Variants in ESR2 observed in about 807,000 individuals in gnomAD.
The protein encoded by ESR2 is estrogen receptor 2, also known as estrogen receptor beta.
A neutral mutation model predicts 49.6 loss-of-function variants in ESR2; 36 were observed. That is an observed-to-expected ratio of 0.73 (90% confidence interval 0.56 to 0.96). The LOEUF is 0.96. Among genes scored for constraint, ESR2 ranks in the 40% least tolerant of loss-of-function variants. ESR2 has a pLI of 0.00. For synonymous variants in ESR2, 320 were observed against 266.1 expected (o/e 1.20, Z -1.97); for missense variants, 714 against 693.0 (o/e 1.03, Z -0.34).
At chr14:64,317,804 A>C (rs1223009127) in intron 1 of ESR2, among the ~76,000 whole-genome samples, 1 of 152,164 alleles carries the variant, frequency 6.6e-6, no homozygotes, top group Admixed American at 6.5e-5. Context: ...AAAATTCAAC[A>C]CCACTCATAA....
At chr14:64,226,789 C>T (rs1223450178), downstream of ESR2, 2 of 151,040 alleles carry the variant, frequency 1.3e-5, no homozygotes, top group African/African-American at 2.5e-5. Context: ...CTTCCAGGTT[C>T]AAGCCATTCT....
At chr14:64,337,946 CAG>C in exon 1 of ESR2, 1 of 152,766 alleles carries the variant, frequency 6.5e-6, no homozygotes, top group Non-Finnish European at 1.5e-5. Flanking sequence ...GTTCCTCCAG[CAG>C]AGCAAGCACA....
intron 5 of ESR2, among the ~76,000 whole-genome samples, chr14:64,258,858 T>G (rs1165811711): frequency 6.6e-6 from 1 of 152,174 alleles, no homozygotes; most frequent in Non-Finnish European, 1.5e-5. Context: ...TAGATGATAT[T>G]TTAATATATA....
At chr14:64,275,138 G>T (rs777577050) in intron 3 of ESR2, among the ~76,000 whole-genome samples, 2 of 152,206 alleles carry the variant, frequency 1.3e-5, no homozygotes, top group African/African-American at 2.4e-5. Flanking sequence ...GATTAAATCT[G>T]ACATTTCTTT....
upstream of ESR2, among the ~76,000 whole-genome samples, chr14:64,294,612 G>A (rs1030832911): frequency 1.3e-5 from 2 of 152,200 alleles, no homozygotes; most frequent in African/African-American, 2.4e-5. Flanking sequence ...AGTAGGGCCT[G>A]AGAATATGCA....
chr14:64,326,991 G>T (rs947316357), intron 1 of ESR2, among the ~76,000 whole-genome samples: 1 of 152,174 alleles, frequency 6.6e-6, no homozygotes, highest in African/African-American at 2.4e-5. Flanking sequence ...AGTTAAACAA[G>T]ATAACAAAAA....
At chr14:64,336,479 C>T (rs1226138260) in intron 1 of ESR2, 1 of 152,116 alleles carries the variant, frequency 6.6e-6, no homozygotes, top group Non-Finnish European at 1.5e-5. Flanking sequence ...CAGTTAATTA[C>T]TCTTTCTTTC....
chr14:64,261,037 G>A (rs1445418921), intron 4 of ESR2, among the ~76,000 whole-genome samples: 4 of 151,936 alleles, frequency 2.6e-5, no homozygotes, highest in Non-Finnish European at 2.9e-5. Context: ...TATTTCCAAA[G>A]GTATCAAATA....
intron 1 of ESR2, among the ~76,000 whole-genome samples, chr14:64,319,455 T>C (rs1302407165): frequency 1.3e-5 from 2 of 151,438 alleles, no homozygotes; most frequent in Non-Finnish European, 2.9e-5. Context: ...AAGTATGCCC[T>C]GTGATAGAGA....
chr14:64,295,061 A>T (rs116269436), upstream of ESR2, among the ~76,000 whole-genome samples: 541 of 152,288 alleles, frequency 3.6e-3, 6 homozygotes, highest in African/African-American at 0.013. Context: ...CCCCAGCTTA[A>T]TGGGGTGTTC....
intron 1 of ESR2, among the ~76,000 whole-genome samples, chr14:64,328,393 T>C (rs2140903587): frequency 6.6e-6 from 1 of 151,800 alleles, no homozygotes; most frequent in Admixed American, 6.6e-5. Flanking sequence ...CACTCCAGCA[T>C]GGGCGACAGA....
rs2098729286 is a variant in ESR2, at chr14:64,233,449, C to T, written c.1407-126G>A. ...CCCTAAACCCACTCTTCCCCCAGCC[C>T]ATTTATCCATGGCTCGTGCATCCAG... On this transcript the variant is annotated intron_variant, in intron 8 of 8. Transcript: ENST00000341099. 2.1e-5 allele frequency: 18 copies of T among 863,606 alleles called. No homozygotes were observed. In the South Asian group the frequency reaches 2.8e-4, roughly 13 times the overall value. The allele number at this position is 863,606 out of a possible 1,614,324, so 53.5% of individuals were successfully genotyped here. A position where few individuals can be genotyped will look rare whatever the true frequency, so the allele number is the denominator to read the frequency against.
chr14:64,260,729 A>C lies in ESR2; in HGVS notation c.672T>G (p.Cys224Trp). 1.3e-6 allele frequency: 2 copies of C among 1,505,696 alleles called. No individual in the cohort carries two copies. The highest frequency in any genetic ancestry group is 1.3e-5 in the South Asian group (1 of 74,740). The allele number at this position is 1,505,696 out of a possible 1,614,324, so 93.3% of individuals were successfully genotyped here. The part of the protein sequence containing the change: ...MVKCGSRRER[C>W]GYRLVRRQRS... ...TCTGTCTCCGCACAAGGCGGTACCC[A>C]CATCTCTCTCTCCGGGAGCCTGAAG... The change falls in exon 5 of 9, where the codon TGT becomes TGG. Residue 224 changes from cysteine to tryptophan, a missense_variant. Transcript: ENST00000341099.
At chr14:64,281,609 C>T (rs1268333704) in intron 2 of ESR2, among the ~76,000 whole-genome samples, 1 of 152,166 alleles carries the variant, frequency 6.6e-6, no homozygotes, top group Admixed American at 6.5e-5. Context: ...CAATATCCAA[C>T]ATGCCCTTAG....
At chr14:64,336,157 T>C (rs1013105145) in intron 1 of ESR2, 1 of 152,140 alleles carries the variant, frequency 6.6e-6, no homozygotes, top group Non-Finnish European at 1.5e-5. Context: ...GGACAACACA[T>C]TTATAAATAT....
chr14:64,280,318 G>C (rs1209673658), intron 2 of ESR2, among the ~76,000 whole-genome samples, 165 bp from the exon 3 acceptor site: 1 of 152,166 alleles, frequency 6.6e-6, no homozygotes. Context: ...TTTTGATACT[G>C]ATATCATATC....
At chr14:64,256,225 G>A (rs1369317733) in intron 6 of ESR2, among the ~76,000 whole-genome samples, 1 of 152,136 alleles carries the variant, frequency 6.6e-6, no homozygotes, top group Non-Finnish European at 1.5e-5. Context: ...TAAAAAGCTT[G>A]AGTATTTTTA....
chr14:64,228,062 A>G (rs772232894), downstream of ESR2: 44 of 1,389,606 alleles, frequency 3.2e-5, no homozygotes, highest in Non-Finnish European at 4.0e-5. Context: ...TCATAAATCA[A>G]TCACAAGTGT....
intron 3 of ESR2, among the ~76,000 whole-genome samples, chr14:64,270,773 G>C (rs1046224286): frequency 6.6e-6 from 1 of 152,226 alleles, no homozygotes; most frequent in Non-Finnish European, 1.5e-5. Flanking sequence ...GTCTCCCAAA[G>C]TGCTGGGATT....
Sources: allele counts gnomAD v4.1 joint callset (sites outside exome capture counted in the v4.1 genomes callset), GRCh38; gene constraint gnomAD v4.1.1; transcripts MANE v1.5; gene names NCBI Gene and HGNC (gene_info 2026-07-23, HGNC 2026-07-21).